The following TENM2 variants were observed in gnomAD, a reference collection of about 807,000 sequenced individuals.
The protein encoded by TENM2 is teneurin transmembrane protein 2.
Under a neutral mutation model 245.2 loss-of-function variants are expected in TENM2, and 52 were observed. The ratio of observed to expected loss-of-function variants is 0.21; its 90% confidence interval spans 0.17 to 0.27. TENM2 has a LOEUF of 0.27. Ranked by LOEUF, TENM2 falls within the 10% of genes least tolerant of loss-of-function variation. The pLI, the probability that TENM2 is intolerant of heterozygous loss-of-function variation, is 1.00. For synonymous variants in TENM2, 1,363 were observed against 1,438.9 expected, an observed-to-expected ratio of 0.95 and a Z score of 1.19; for missense variants, 3,046 against 3,666.8, an observed-to-expected ratio of 0.83 and a Z score of 4.37.
At chr5:168,197,299 C>G (rs1341540810) in intron 15 of TENM2, among the ~76,000 whole-genome samples, 1 of 152,146 alleles carries the variant, frequency 6.6e-6, no homozygotes, top group Non-Finnish European at 1.5e-5. Flanking sequence ...TTGGATGAAA[C>G]CAGCGAGTCA....
chr5:167,430,925 A>G (rs1013028145), intron 2 of TENM2, among the ~76,000 whole-genome samples: 1 of 152,196 alleles, frequency 6.6e-6, no homozygotes, highest in African/African-American at 2.4e-5. Flanking sequence ...CTGCTATGTC[A>G]TATTTCCAAT....
In TENM2 at chr5:167,947,610, A is replaced by G. The variant is rs1437517321; in HGVS notation, c.713-4978A>G. ...CTGGCCAATTCAAGGTCAAATTTGA[A>G]CAGGGTGTCCTGGTGCCAGTTATCA... On this transcript the variant is annotated intron_variant, in intron 3 of 28. Transcript: ENST00000518659. Among the ~76,000 whole-genome samples the G allele has an allele frequency of 2.0e-5, 3 of 152,162 alleles. No homozygotes were observed. The East Asian group carries it at 5.8e-4, about 29-fold the overall frequency.
At chr5:167,381,022 A>G (rs955998201) in intron 2 of TENM2, among the ~76,000 whole-genome samples, 1 of 152,190 alleles carries the variant, frequency 6.6e-6, no homozygotes, top group African/African-American at 2.4e-5. Context: ...AGTTGATAGT[A>G]TAAGTTTTCT....
At chr5:167,843,294 C>A (rs549827671) in intron 2 of TENM2, among the ~76,000 whole-genome samples, 1 of 45,100 alleles carries the variant, frequency 2.2e-5, no homozygotes. Flanking sequence ...AATTTGAGGA[C>A]GTTTTTGTTT....
At chr5:167,922,134 C>G (rs1026354654) in intron 3 of TENM2, among the ~76,000 whole-genome samples, 2 of 152,206 alleles carry the variant, frequency 1.3e-5, no homozygotes, top group South Asian at 4.1e-4. Flanking sequence ...CTTTTAGGTT[C>G]TACTAGCATA....
chr5:168,126,027 G>T (rs556083268), intron 11 of TENM2, among the ~76,000 whole-genome samples: 14 of 152,314 alleles, frequency 9.2e-5, no homozygotes, highest in Admixed American at 9.2e-4. Flanking sequence ...TGTCTGGCAC[G>T]TGCTTGTCCT....
Position 167,357,988 on chromosome 5 carries a change from C to T in TENM2, c.227-17210C>T, listed in dbSNP as rs1759455148. Among the ~76,000 whole-genome samples, 3 of 152,214 alleles carry T rather than the reference C, an allele frequency of 2.0e-5. No individual in the cohort carries two copies. In the South Asian group the frequency reaches 6.2e-4, roughly 31 times the overall value. On this transcript the variant is annotated intron_variant, in intron 1 of 28. Transcript: ENST00000518659. ...ACTGTTATCCCAGGTAAAGCGTTCA[C>T]CTGTGTGCAACATCACGGTCCCACT...
chr5:167,594,476 G>A (rs918623907), intron 2 of TENM2, among the ~76,000 whole-genome samples: 1 of 152,158 alleles, frequency 6.6e-6, no homozygotes. Flanking sequence ...TCTAGATATT[G>A]GAAATCAGAT....
chr5:167,318,147 T>C (rs1237505530), intron 1 of TENM2, among the ~76,000 whole-genome samples: 2 of 152,208 alleles, frequency 1.3e-5, no homozygotes, highest in Non-Finnish European at 2.9e-5. Context: ...TTCTACAGTG[T>C]ATATAAATGG....
intron 2 of TENM2, among the ~76,000 whole-genome samples, chr5:167,715,060 A>G (rs189047236): frequency 6.6e-6 from 1 of 152,280 alleles, no homozygotes; most frequent in African/African-American, 2.4e-5. Context: ...GTGAGGCTCA[A>G]AGGATGCCAA....
chr5:168,157,609 TTAGA>T (rs922034800), intron 12 of TENM2, among the ~76,000 whole-genome samples: 12 of 152,056 alleles, frequency 7.9e-5, no homozygotes, highest in Non-Finnish European at 7.4e-5. Context: ...TTGGTTGGAA[TTAGA>T]TAGAAGAGAC....
chr5:168,130,968 T>C (rs1044455928), intron 12 of TENM2, among the ~76,000 whole-genome samples: 9 of 152,140 alleles, frequency 5.9e-5, no homozygotes, highest in Admixed American at 2.6e-4. Context: ...ATAGAATGTG[T>C]GTAATAATAG....
chr5:167,663,141 GGAGAGA>G (rs544699415), intron 2 of TENM2, among the ~76,000 whole-genome samples: 4,201 of 108,686 alleles, frequency 0.039, 44 homozygotes, highest in South Asian at 0.059. Context: ...ATGGGGATGG[GGAGAGA>G]GAGAGAGAGA....
chr5:167,191,572 A>G, the TENM2 span, among the ~76,000 whole-genome samples: 256 of 152,154 alleles, frequency 1.7e-3, no homozygotes, highest in Non-Finnish European at 2.1e-3. Flanking sequence ...TCCTTAGATG[A>G]AAGGCATGCA....
intron 2 of TENM2, among the ~76,000 whole-genome samples, chr5:167,807,630 A>ATT (rs1561803898): frequency 0.088 from 1,991 of 22,624 alleles, 39 homozygotes; most frequent in African/African-American, 0.19. Flanking sequence ...TTTTTAAAAA[A>ATT]AAAAAAAAAG....
chr5:167,883,065 G>A lies in TENM2; in HGVS notation c.712+6870G>A, dbSNP rs147104841. Among the ~76,000 whole-genome samples, 488 of 152,314 alleles carry A rather than the reference G, an allele frequency of 3.2e-3. 1 individual carries two copies. The highest frequency in any genetic ancestry group is 0.011 in the African/African-American group (460 of 41,558). ...TCAAAACTAAGGCCTACACAGTCAT[G>A]CAAAGCAGATCCTTGTAACTTACAT... On this transcript the variant is annotated intron_variant, in intron 3 of 28. Coordinates refer to ENST00000518659, the Ensembl canonical transcript of TENM2.
the TENM2 span, among the ~76,000 whole-genome samples, chr5:167,185,993 C>G: frequency 2.0e-5 from 3 of 152,106 alleles, no homozygotes; most frequent in East Asian, 5.8e-4. Context: ...AATTTTTTAG[C>G]AGAACACTGA....
chr5:168,080,556 T>C (rs1055127271), intron 7 of TENM2, among the ~76,000 whole-genome samples: 3 of 152,230 alleles, frequency 2.0e-5, no homozygotes, highest in Non-Finnish European at 4.4e-5. Flanking sequence ...CTGCTTTCTC[T>C]TGTGGGCATT....
At chr5:167,183,735 G>A in the TENM2 span, among the ~76,000 whole-genome samples, 2 of 151,974 alleles carry the variant, frequency 1.3e-5, no homozygotes, top group African/African-American at 4.8e-5. Flanking sequence ...TCACATCCAA[G>A]CAAGCCAACT....
Sources: allele counts gnomAD v4.1 joint callset (sites outside exome capture counted in the v4.1 genomes callset), GRCh38; gene constraint gnomAD v4.1.1; transcripts MANE v1.5; gene names NCBI Gene and HGNC (gene_info 2026-07-23, HGNC 2026-07-21).